NF2: variants seen among roughly 807,000 people sequenced by gnomAD.
The protein encoded by NF2 is NF2, moesin-ezrin-radixin like (MERLIN) tumor suppressor.
A neutral mutation model predicts 83.7 loss-of-function variants in NF2; 8 were observed. That is an observed-to-expected ratio of 0.10 (90% CI 0.06 to 0.17). NF2 has a LOEUF of 0.17. Ranked by LOEUF, NF2 falls within the 10% of genes least tolerant of loss-of-function variation. NF2 has a pLI of 1.00. For synonymous variants in NF2, 266 were observed against 269.6 expected (o/e 0.99, Z 0.13); for missense variants, 533 against 744.4 (o/e 0.72, Z 3.31).
intron 2 of NF2, among the ~76,000 whole-genome samples, chr22:29,638,701 GA>G (rs1023002047): frequency 6.6e-6 from 1 of 151,944 alleles, no homozygotes; most frequent in African/African-American, 2.4e-5. Flanking sequence ...TAGGCACCAA[GA>G]AAAAAGAAAT....
At chr22:29,654,536 C>A in intron 4 of NF2, 121 bp from the exon 5 acceptor site, 1 of 819,486 alleles carries the variant, frequency 1.2e-6, no homozygotes, top group Non-Finnish European at 2.1e-6. Context: ...GAAATCTTGA[C>A]TTGTCATCGG....
At chr22:29,623,380 A>G (rs2065264843) in intron 1 of NF2, among the ~76,000 whole-genome samples, 1 of 152,212 alleles carries the variant, frequency 6.6e-6, no homozygotes, top group South Asian at 2.1e-4. Flanking sequence ...AGTGGTTGGC[A>G]TGCAAAATGA....
intron 1 of NF2, among the ~76,000 whole-genome samples, chr22:29,615,498 G>GGGA (rs1466196220): frequency 6.6e-5 from 10 of 152,274 alleles, no homozygotes; most frequent in East Asian, 1.9e-4. Context: ...ACTTGAGCCT[G>GGGA]GGAGAGGCTA....
intron 1 of NF2, among the ~76,000 whole-genome samples, chr22:29,623,192 G>C (rs138045384): frequency 9.9e-4 from 150 of 152,072 alleles, no homozygotes; most frequent in Middle Eastern, 3.4e-3. Flanking sequence ...CGATCCTTCC[G>C]CCTCAGCCTC....
At chr22:29,620,057 C>T (rs892698654) in intron 1 of NF2, among the ~76,000 whole-genome samples, 6 of 152,088 alleles carry the variant, frequency 3.9e-5, no homozygotes, top group Non-Finnish European at 4.4e-5. Context: ...GCCAGGAGTT[C>T]GAGACCAGTT....
intron 5 of NF2, among the ~76,000 whole-genome samples, chr22:29,655,225 C>A (rs765441109): frequency 2.0e-5 from 3 of 152,170 alleles, no homozygotes; most frequent in African/African-American, 7.2e-5. Flanking sequence ...CCGTTTCTCA[C>A]CTCTCACTCT....
chr22:29,611,621 G>A (rs2064955657), intron 1 of NF2, among the ~76,000 whole-genome samples: 1 of 152,202 alleles, frequency 6.6e-6, no homozygotes, highest in South Asian at 2.1e-4. Context: ...ATTCAGCATT[G>A]TACTGGAGGT....
At chr22:29,689,199 A>G (rs28714538) in intron 15 of NF2, among the ~76,000 whole-genome samples, 9 of 142,380 alleles carry the variant, frequency 6.3e-5, no homozygotes, top group African/African-American at 1.0e-4. Context: ...AAAAAAAAAA[A>G]AGAGAAAGTA....
chr22:29,648,188 G>A (rs2066039002), intron 4 of NF2, among the ~76,000 whole-genome samples: 1 of 151,254 alleles, frequency 6.6e-6, no homozygotes. Context: ...AAAAAAGGTA[G>A]GTGTCTAGAA....
At chr22:29,644,100 C>T (rs1238595498) in intron 4 of NF2, among the ~76,000 whole-genome samples, 5 of 150,886 alleles carry the variant, frequency 3.3e-5, no homozygotes, top group East Asian at 2.0e-4. Flanking sequence ...GGCTGCCGGG[C>T]GGAGGGGCTC....
intron 1 of NF2, among the ~76,000 whole-genome samples, chr22:29,627,450 T>A (rs1453334173): frequency 6.6e-6 from 1 of 152,228 alleles, no homozygotes; most frequent in African/African-American, 2.4e-5. Context: ...CTTTTTGCTT[T>A]GTCATCTGTC....
At chr22:29,648,719 G>A (rs1394481489) in intron 4 of NF2, among the ~76,000 whole-genome samples, 1 of 152,124 alleles carries the variant, frequency 6.6e-6, no homozygotes, top group African/African-American at 2.4e-5. Context: ...CAGGCTCAAG[G>A]GATCCTCCCA....
At position 29,603,876 on chromosome 22, in the gene NF2, G is replaced by T. The variant is rs1036457861; in HGVS notation, c.-123G>T. On this transcript the variant is annotated 5_prime_UTR_variant, in exon 1 of 16. Transcript: ENST00000338641. ...GCTGGGGACCCGCGCAGCCCAGACC[G>T]TTCCCGGGCCGGGCAGCCGGCCACC... 27 of 735,818 alleles carry T rather than the reference G, an allele frequency of 3.7e-5. No individual in the cohort carries two copies. The highest frequency in any genetic ancestry group is 1.1e-4 in the African/African-American group (6 of 56,580). 45.6% of individuals were successfully genotyped at this position (735,818 alleles called of 1,614,324 possible).
chr22:29,642,464 TTGTG>T (rs925539414), intron 4 of NF2, among the ~76,000 whole-genome samples, 179 bp downstream of exon 4: 10 of 151,964 alleles, frequency 6.6e-5, no homozygotes, highest in Non-Finnish European at 5.9e-5. Context: ...TTGTATAATC[TTGTG>T]TGTGTATGTG....
intron 1 of NF2, among the ~76,000 whole-genome samples, chr22:29,624,913 C>G (rs1291076776): frequency 6.7e-6 from 1 of 149,048 alleles, no homozygotes; most frequent in African/African-American, 2.5e-5. Context: ...CTCTCTCTCT[C>G]TCTCTCTCTT....
At position 29,696,870 on chromosome 22, in the gene NF2, G is replaced by A. The variant is rs886057372; in HGVS notation, c.*2068G>A. 5.7e-6 allele frequency: 1 copy of A among 175,978 alleles called. No homozygotes were observed. The allele number at this position is 175,978 out of a possible 1,614,324, so 10.9% of individuals were successfully genotyped here. On this transcript the variant is annotated 3_prime_UTR_variant, in exon 16 of 16. Transcript: ENST00000338641. ...CTCGCTCTGTCGCCCAGGCTGGAGT[G>A]CAGTGTCACGATCTCAGCTCACTGC...
At chr22:29,615,203 CA>C (rs1171064806) in intron 1 of NF2, among the ~76,000 whole-genome samples, 22 of 152,016 alleles carry the variant, frequency 1.4e-4, no homozygotes, top group Non-Finnish European at 2.9e-4. Context: ...AAAACAAAAA[CA>C]AAAAACAAAT....
At chr22:29,607,528 A>G (rs1304789805) in intron 1 of NF2, among the ~76,000 whole-genome samples, 3 of 152,200 alleles carry the variant, frequency 2.0e-5, no homozygotes, top group Non-Finnish European at 4.4e-5. Flanking sequence ...ATAAATAACA[A>G]TTGGCCCTGG....
At chr22:29,630,209 A>G (rs1361447078) in intron 1 of NF2, among the ~76,000 whole-genome samples, 3 of 152,232 alleles carry the variant, frequency 2.0e-5, no homozygotes, top group Admixed American at 6.5e-5. Flanking sequence ...ATAGAACTCA[A>G]TCAGTCCTGC....
Sources: gnomAD v4.1 joint callset for allele counts (sites outside exome capture counted in the v4.1 genomes callset) on GRCh38, gnomAD v4.1.1 for gene constraint, MANE v1.5 for transcripts, NCBI Gene and HGNC (gene_info 2026-07-23, HGNC 2026-07-21) for gene names.